Variants in TMEM229B observed in about 807,000 individuals in gnomAD.
TMEM229B encodes the protein chromosome 14 open reading frame 83.
In TMEM229B, 6 loss-of-function variants were observed where a neutral mutation model predicts 13.7. The ratio of observed to expected loss-of-function variants is 0.44; its 90% confidence interval spans 0.24 to 0.86. TMEM229B has a LOEUF of 0.86. Among genes scored for constraint, TMEM229B ranks in the 40% least tolerant of loss-of-function variants. The pLI, the probability that TMEM229B is intolerant of heterozygous loss-of-function variation, is 0.23. For synonymous variants in TMEM229B, 107 were observed against 102.1 expected, an observed-to-expected ratio of 1.05 and a Z score of -0.29; for missense variants, 170 against 236.0, an observed-to-expected ratio of 0.72 and a Z score of 1.83.
chr14:67,518,122 G>T (rs764407293), upstream of TMEM229B, among the ~76,000 whole-genome samples: 27 of 152,184 alleles, frequency 1.8e-4, no homozygotes, highest in Non-Finnish European at 3.5e-4. Context: ...ACAGGGTGAA[G>T]GTGAAGGGGC....
intron 1 of TMEM229B, among the ~76,000 whole-genome samples, chr14:67,513,594 C>T (rs2033098363): frequency 6.6e-6 from 1 of 152,196 alleles, no homozygotes; most frequent in Admixed American, 6.5e-5. Flanking sequence ...GGCTAAGTGT[C>T]ATCTCAGCAC....
intron 1 of TMEM229B, among the ~76,000 whole-genome samples, chr14:67,513,068 C>T (rs985096649): frequency 3.9e-5 from 6 of 152,172 alleles, no homozygotes; most frequent in African/African-American, 1.4e-4. Flanking sequence ...TCTTAAATCA[C>T]TTTATAAATG....
At chr14:67,481,434 G>A (rs572064701) in intron 2 of TMEM229B, among the ~76,000 whole-genome samples, 111 of 152,168 alleles carry the variant, frequency 7.3e-4, no homozygotes, top group Non-Finnish European at 1.4e-3. Context: ...GACAGTGTCC[G>A]AGGGCAGAAC....
intron 1 of TMEM229B, among the ~76,000 whole-genome samples, chr14:67,505,437 T>C (rs1192460765): frequency 6.6e-6 from 1 of 152,312 alleles, no homozygotes; most frequent in African/African-American, 2.4e-5. Context: ...GGGACACACG[T>C]TGGCCATCTG....
Position 67,473,135 on chromosome 14 carries a change from C to T in TMEM229B, c.*285G>A. ...TGCTTCCAAAGTCAACTACATAGTC[C>T]ATCGCTGCTCAGCCACAGGCCTCCT... On this transcript the variant is annotated 3_prime_UTR_variant, in exon 3 of 3. Coordinates refer to ENST00000554480, the MANE Select transcript of TMEM229B (RefSeq NM_001348543.2). The surrounding 1 kb of genome is among the most constrained non-coding windows in gnomAD (Gnocchi z 6.5). The T allele has an allele frequency of 2.2e-6, 1 of 452,284 alleles. No homozygotes were observed. Among genetic ancestry groups the T allele is most frequent in the Non-Finnish European group, 4.1e-6 (1 of 245,728 alleles). 28.0% of individuals were successfully genotyped at this position (452,284 alleles called of 1,614,324 possible). A position where few individuals can be genotyped will look rare whatever the true frequency, so the allele number is the denominator to read the frequency against.
intron 1 of TMEM229B, among the ~76,000 whole-genome samples, chr14:67,506,131 C>T (rs1026839891): frequency 1.3e-5 from 2 of 152,222 alleles, no homozygotes; most frequent in African/African-American, 4.8e-5. Flanking sequence ...CCAGTGAGCA[C>T]TTTCCTGCCC....
chr14:67,504,036 C>T lies in TMEM229B; in HGVS notation c.-192+11050G>A, dbSNP rs192954987. The stretch of plus-strand genomic sequence containing the variant: ...ATTTTTATTTTTATTATTTTTGAGA[C>T]AGGATCTCGCTCTGTCACCCAGGCT... On this transcript the variant is annotated intron_variant, in intron 1 of 2. Transcript: ENST00000357461. Among the ~76,000 whole-genome samples, 52 of 150,628 alleles carry T rather than the reference C, an allele frequency of 3.5e-4. No homozygotes were observed. In the East Asian group the frequency reaches 8.4e-3, roughly 24 times the overall value.
intron 1 of TMEM229B, among the ~76,000 whole-genome samples, chr14:67,523,166 T>G (rs544705918): frequency 2.0e-5 from 3 of 151,982 alleles, no homozygotes; most frequent in Admixed American, 2.0e-4. Context: ...GTACTAAAAA[T>G]ACAAAAATTA....
chr14:67,508,177 C>G (rs2032897192), intron 1 of TMEM229B, among the ~76,000 whole-genome samples: 1 of 151,706 alleles, frequency 6.6e-6, no homozygotes, highest in Non-Finnish European at 1.5e-5. Context: ...AGTCCCCCTT[C>G]TTGAGAAGGG....
At chr14:67,483,561 C>T (rs988835246) in intron 2 of TMEM229B, among the ~76,000 whole-genome samples, 4 of 152,206 alleles carry the variant, frequency 2.6e-5, no homozygotes, top group Non-Finnish European at 5.9e-5. Flanking sequence ...AACTGGGTGT[C>T]AGAGTTCCTA....
At chr14:67,498,070 C>T (rs922624151) in intron 1 of TMEM229B, among the ~76,000 whole-genome samples, 6 of 152,068 alleles carry the variant, frequency 3.9e-5, no homozygotes, top group Non-Finnish European at 5.9e-5. Context: ...GATCCAGAAC[C>T]GCCAAAGAGA....
chr14:67,509,969 C>T lies in TMEM229B; in HGVS notation c.-192+5117G>A, dbSNP rs556635024. ...AGGCTGCAGTGAGCTATGATTGTGC[C>T]ACTGCACTAAAGCCTGAGCAACAGA... On this transcript the variant is annotated intron_variant, in intron 1 of 2. Coordinates refer to the TMEM229B transcript ENST00000357461. 5.3e-5 allele frequency among the ~76,000 whole-genome samples: 8 copies of T among 152,100 alleles called. No homozygotes were observed. The East Asian group carries it at 1.5e-3, about 29-fold the overall frequency.
intron 2 of TMEM229B, among the ~76,000 whole-genome samples, chr14:67,476,357 C>G (rs71421374): frequency 6.6e-6 from 1 of 151,986 alleles, no homozygotes; most frequent in Non-Finnish European, 1.5e-5. Context: ...GAGGCTGAGG[C>G]GGGTGGATCA....
chr14:67,526,371 T>G (rs1031210088), intron 1 of TMEM229B, among the ~76,000 whole-genome samples: 3 of 152,380 alleles, frequency 2.0e-5, no homozygotes, highest in Middle Eastern at 3.4e-3. Flanking sequence ...GTAGGTAAGA[T>G]GCCTGCTTGG....
At chr14:67,510,429 C>G (rs1424554324) in intron 1 of TMEM229B, among the ~76,000 whole-genome samples, 3 of 152,322 alleles carry the variant, frequency 2.0e-5, no homozygotes, top group South Asian at 2.1e-4. Flanking sequence ...GGTATCTGAT[C>G]ACATCCAAGT....
chr14:67,524,610 C>A (rs1026042093), intron 1 of TMEM229B, among the ~76,000 whole-genome samples: 1 of 152,164 alleles, frequency 6.6e-6, no homozygotes, highest in African/African-American at 2.4e-5. Flanking sequence ...CTGAATACAT[C>A]ATTTCTCTTG....
chr14:67,508,062 C>T (rs149550419), intron 1 of TMEM229B, among the ~76,000 whole-genome samples: 4 of 150,044 alleles, frequency 2.7e-5, no homozygotes, highest in East Asian at 4.0e-4. Flanking sequence ...TGCTTGAACC[C>T]GGGAGGTGGA....
In TMEM229B at chr14:67,500,645, C is replaced by G. The variant is rs1277294965; in HGVS notation, c.-191-13473G>C. ...GGAGTGCAGTGGCGCGATCTCGGCT[C>G]ACTGCAACCTCCACCTCCCAGGTTC... On this transcript the variant is annotated intron_variant, in intron 1 of 2. Transcript: ENST00000357461. Among the ~76,000 whole-genome samples, 60 of 148,704 alleles carry G rather than the reference C, an allele frequency of 4.0e-4. 1 individual carries two copies. Among genetic ancestry groups the G allele is most frequent in the Admixed American group, 3.0e-3 (44 of 14,816 alleles).
chr14:67,507,876 C>T (rs575863666), intron 1 of TMEM229B, among the ~76,000 whole-genome samples: 3 of 152,246 alleles, frequency 2.0e-5, no homozygotes, highest in African/African-American at 4.8e-5. Flanking sequence ...TGTTGGCTCA[C>T]GCCTGTAGTC....
Sources: gnomAD v4.1 joint callset for allele counts (sites outside exome capture counted in the v4.1 genomes callset) on GRCh38, gnomAD v4.1.1 for gene constraint, Gnocchi (gnomAD v3.1) non-coding constraint, MANE v1.5 for transcripts, NCBI Gene and HGNC (gene_info 2026-07-23, HGNC 2026-07-21) for gene names.